FXR2: variants seen among roughly 807,000 people sequenced by gnomAD.
The protein encoded by FXR2 is RNA-binding protein FXR2.
A neutral mutation model predicts 87.3 loss-of-function variants in FXR2; 9 were observed. The observed-to-expected ratio is 0.10, with a 90% confidence interval of 0.06 to 0.18. The LOEUF (loss-of-function observed/expected upper bound fraction) is 0.18, where lower values mean the gene tolerates loss of function less well. FXR2 is among the 10% of genes least tolerant of loss of function. FXR2 has a pLI of 1.00. For missense variants in FXR2, 661 were observed against 893.6 expected (o/e 0.74, Z 3.32); for synonymous variants, 331 against 328.3 (o/e 1.01, Z -0.09).
At chr17:7,606,583 G>A (rs2071804850) in intron 1 of FXR2, among the ~76,000 whole-genome samples, 1 of 152,174 alleles carries the variant, frequency 6.6e-6, no homozygotes, top group South Asian at 2.1e-4. Context: ...GCCTACCTCC[G>A]CAATACAGCA....
At position 7,594,527 on chromosome 17, in the gene FXR2, C is replaced by A. The variant is rs1015529223; in HGVS notation, c.910+152G>T. ...ATGTTACAATCCCTAGAAATTTATTCTTTCATTTTTATCACTCCCATTACA... is the reference window on the plus strand; with the variant it reads ...ATGTTACAATCCCTAGAAATTTATTATTTCATTTTTATCACTCCCATTACA... On this transcript the variant is annotated intron_variant, in intron 9 of 16. Transcript: ENST00000250113. The surrounding 1 kb of genome is among the most constrained non-coding windows in gnomAD (Gnocchi z 5.1). 1.1e-5 allele frequency: 8 copies of A among 697,090 alleles called. No individual in the cohort carries two copies. Among genetic ancestry groups the A allele is most frequent in the East Asian group, 5.1e-5 (2 of 38,986 alleles). The allele number at this position is 697,090 out of a possible 1,614,324, so 43.2% of individuals were successfully genotyped here. A position where few individuals can be genotyped will look rare whatever the true frequency, so the allele number is the denominator to read the frequency against.
intron 1 of FXR2, among the ~76,000 whole-genome samples, chr17:7,609,943 T>TATGTATACATATATATAC (rs746174966): frequency 1.6e-5 from 1 of 63,034 alleles, no homozygotes; most frequent in African/African-American, 7.8e-5. Context: ...TATATATACA[T>TATGTATACATATATATAC]GTATATGTAT....
intron 1 of FXR2, among the ~76,000 whole-genome samples, chr17:7,610,550 C>A (rs996823618): frequency 1.3e-5 from 2 of 152,164 alleles, no homozygotes; most frequent in African/African-American, 4.8e-5. Flanking sequence ...TCTCACTCAA[C>A]CCTTATATTT....
intron 1 of FXR2, among the ~76,000 whole-genome samples, chr17:7,612,713 A>C (rs1406710660): frequency 6.6e-6 from 1 of 151,990 alleles, no homozygotes; most frequent in Non-Finnish European, 1.5e-5. Context: ...AATGACTACA[A>C]TGGCCGGGCG....
chr17:7,601,314 C>G (rs960277502), intron 7 of FXR2, 95 bp downstream of exon 7: 4 of 762,186 alleles, frequency 5.2e-6, no homozygotes. Flanking sequence ...AAGCCTTAGT[C>G]TTTGTTCTGT....
At position 7,592,386 on chromosome 17, in the gene FXR2, T is replaced by C. The variant is rs761063179; in HGVS notation, c.1826-32A>G. 1 of 1,569,188 alleles carries C rather than the reference T, an allele frequency of 6.4e-7. No homozygotes were observed. The highest frequency in any genetic ancestry group is 8.8e-7 in the Non-Finnish European group (1 of 1,139,256). On this transcript the variant is annotated intron_variant, in intron 15 of 16. Coordinates refer to ENST00000250113, the MANE Select transcript of FXR2 (RefSeq NM_004860.4). This position sits in a 1 kb window ranked among gnomAD's most constrained non-coding sequence, Gnocchi z 4.8. ...AAGGCAGGAGATTAAGACTTTCAGA[T>C]GGAATTCTGGTAGCCAGCCTAAGAC...
At chr17:7,613,156 TAG>T (rs1207195890) in intron 1 of FXR2, among the ~76,000 whole-genome samples, 1 of 147,942 alleles carries the variant, frequency 6.8e-6, no homozygotes, top group African/African-American at 2.5e-5. Context: ...CATGAGAAAC[TAG>T]AGAGGACTAC....
chr17:7,606,439 C>T (rs1396477887), intron 1 of FXR2, among the ~76,000 whole-genome samples: 1 of 152,180 alleles, frequency 6.6e-6, no homozygotes, highest in Admixed American at 6.5e-5. Flanking sequence ...TGTCTGCCTC[C>T]TGTTGTGCTA....
In FXR2 at chr17:7,614,653, G is replaced by A; in HGVS notation, c.-121C>T. On this transcript the variant is annotated 5_prime_UTR_variant, in exon 1 of 17. Transcript: ENST00000250113. Reference sequence around the variant, plus strand: ...CCGGAGGGGGAGCCGCGGGGGGCGGGAGCCGGGCCGGCCCCACGGCGGCCC... The same window carrying A: ...CCGGAGGGGGAGCCGCGGGGGGCGGAAGCCGGGCCGGCCCCACGGCGGCCC... 1 of 474,974 alleles carries A rather than the reference G, an allele frequency of 2.1e-6. No homozygotes were observed. The highest frequency in any genetic ancestry group is 3.3e-6 in the Non-Finnish European group (1 of 305,696). 29.4% of individuals were successfully genotyped at this position (474,974 alleles called of 1,614,324 possible). A position where few individuals can be genotyped will look rare whatever the true frequency, so the allele number is the denominator to read the frequency against.
chr17:7,605,586 A>G, intron 3 of FXR2, 59 bp downstream of exon 3: 1 of 884,526 alleles, frequency 1.1e-6, no homozygotes, highest in Non-Finnish European at 1.9e-6. Flanking sequence ...CCAACCAGAG[A>G]AAAGCCTAGA....
At position 7,591,381 on chromosome 17, in the gene FXR2, G is replaced by A. The variant is rs1030147190; in HGVS notation, c.*449C>T. 1.0e-5 allele frequency: 2 copies of A among 190,708 alleles called. No individual in the cohort carries two copies. The highest frequency in any genetic ancestry group is 1.7e-4 in the South Asian group (2 of 11,890). 11.8% of individuals were successfully genotyped at this position (190,708 alleles called of 1,614,324 possible). A position where few individuals can be genotyped will look rare whatever the true frequency, so the allele number is the denominator to read the frequency against. On this transcript the variant is annotated 3_prime_UTR_variant, in exon 17 of 17. Transcript: ENST00000250113. This position sits in a 1 kb window ranked among gnomAD's most constrained non-coding sequence, Gnocchi z 4.0. ...CTGGTTCTACTCCAAAACCTTCCCC[G>A]TGCCTCCCACCCACTTATCTCTTAC...
chr17:7,605,597 A>G (rs2071796694), intron 3 of FXR2, 48 bp downstream of exon 3: 1 of 969,200 alleles, frequency 1.0e-6, no homozygotes, highest in Admixed American at 1.9e-5. Flanking sequence ...AAAGCCTAGA[A>G]TCCTGGGGAA....
intron 1 of FXR2, among the ~76,000 whole-genome samples, chr17:7,613,542 C>T (rs2071895698): frequency 6.6e-6 from 1 of 152,074 alleles, no homozygotes; most frequent in African/African-American, 2.4e-5. Flanking sequence ...AAGATGATCC[C>T]GTCTTCCAAA....
rs1197147163 is a variant in FXR2 at position 7,614,615 on chromosome 17, C to T, written c.-83G>A. On this transcript the variant is annotated 5_prime_UTR_variant, in exon 1 of 17. Coordinates refer to ENST00000250113, the MANE Select transcript of FXR2 (RefSeq NM_004860.4). ...GGCCGGGCCAGGCCCCCGGCGTCTCCCCGGAGGAGGAGCCGGAGGGGGAGC... is the reference window on the plus strand; with the variant it reads ...GGCCGGGCCAGGCCCCCGGCGTCTCTCCGGAGGAGGAGCCGGAGGGGGAGC... The T allele has an allele frequency of 3.5e-6, 3 of 847,918 alleles. No individual in the cohort carries two copies. Among genetic ancestry groups the T allele is most frequent in the African/African-American group, 1.8e-5 (1 of 56,422 alleles). 52.5% of individuals were successfully genotyped at this position (847,918 alleles called of 1,614,324 possible).
Position 7,593,019 on chromosome 17 carries a change from G to A in FXR2, c.1493C>T (p.Pro498Leu). The change falls in exon 13 of 17, where the codon CCC (proline) becomes CTC (leucine). Residue 498 changes from proline to leucine, a missense_variant. Physicochemically the swap from Pro to Leu is moderately conservative, Grantham distance 98. Transcript: ENST00000250113. This position sits in a 1 kb window ranked among gnomAD's most constrained non-coding sequence, Gnocchi z 6.1. ...AGATGAAGAATTGTATCTCGAAGTG[G>A]GCCGGGGGGCAGGTGGGGGTCCCCT... ...RGRGPPPAPR[P>L]TSRYNSSSIS... is the part of the protein sequence containing the mutation. The A allele has an allele frequency of 1.9e-6, 3 of 1,576,560 alleles. No homozygotes were observed. The highest frequency in any genetic ancestry group is 1.7e-6 in the Non-Finnish European group (2 of 1,164,162).
intron 7 of FXR2, among the ~76,000 whole-genome samples, chr17:7,598,143 A>G (rs1026245741): frequency 1.3e-5 from 2 of 152,170 alleles, no homozygotes; most frequent in Admixed American, 1.3e-4. Flanking sequence ...TCATTGAAAC[A>G]GGAGTTTAAA....
chr17:7,609,429 T>C (rs921278204), intron 1 of FXR2, among the ~76,000 whole-genome samples: 3 of 152,222 alleles, frequency 2.0e-5, no homozygotes, highest in Non-Finnish European at 4.4e-5. Flanking sequence ...TGAATGTTCT[T>C]TCTTAGAGCC....
intron 1 of FXR2, among the ~76,000 whole-genome samples, chr17:7,613,782 G>A (rs2071899922): frequency 6.6e-6 from 1 of 152,180 alleles, no homozygotes; most frequent in Non-Finnish European, 1.5e-5. Context: ...GTAGAGCAGT[G>A]GGTCTTGAGA....
chr17:7,608,245 G>A (rs2071819866), intron 1 of FXR2, among the ~76,000 whole-genome samples: 1 of 151,676 alleles, frequency 6.6e-6, no homozygotes, highest in Non-Finnish European at 1.5e-5. Flanking sequence ...TGTGACCACT[G>A]TGCCCAGCCC....
Sources: gnomAD v4.1 joint callset for allele counts (sites outside exome capture counted in the v4.1 genomes callset) on GRCh38, gnomAD v4.1.1 for gene constraint, Gnocchi (gnomAD v3.1) non-coding constraint, MANE v1.5 for transcripts, NCBI Gene and HGNC (gene_info 2026-07-23, HGNC 2026-07-21) for gene names.